EBAG9: variants seen among roughly 807,000 people sequenced by gnomAD.
EBAG9 encodes the protein receptor-binding cancer antigen expressed on SiSo cells.
In EBAG9, 16 loss-of-function variants were observed where a neutral mutation model predicts 30.9. The ratio of observed to expected loss-of-function variants is 0.52; its 90% confidence interval spans 0.35 to 0.79. The LOEUF is 0.79. Ranked by LOEUF, EBAG9 falls within the 30% of genes least tolerant of loss-of-function variation. The pLI is 0.01. For missense variants in EBAG9, 197 were observed against 242.1 expected, an observed-to-expected ratio of 0.81 and a Z score of 1.24; for synonymous variants, 93 against 82.8, an observed-to-expected ratio of 1.12 and a Z score of -0.67.
intron 5 of EBAG9, among the ~76,000 whole-genome samples, chr8:109,560,322 T>C (rs548740292): frequency 6.6e-6 from 1 of 152,318 alleles, no homozygotes; most frequent in South Asian, 2.1e-4. Flanking sequence ...TTGCCTAGGA[T>C]TGAGACAGTA....
chr8:109,560,489 C>T (rs528421638), intron 5 of EBAG9, among the ~76,000 whole-genome samples: 18 of 152,324 alleles, frequency 1.2e-4, no homozygotes, highest in African/African-American at 3.1e-4. Context: ...GTCACTCTAT[C>T]CCCAGCTCCC....
chr8:109,563,949 G>T (rs1821763242), intron 6 of EBAG9, among the ~76,000 whole-genome samples: 1 of 151,918 alleles, frequency 6.6e-6, no homozygotes, highest in African/African-American at 2.4e-5. Flanking sequence ...TTTCTTTTTG[G>T]AGCGTGTGTT....
chr8:109,546,318 ATAAT>A lies in EBAG9; in HGVS notation c.-15-4488_-15-4485del, dbSNP rs562855182. Among the ~76,000 whole-genome samples, 602 of 152,356 alleles carry A rather than the reference ATAAT, an allele frequency of 4.0e-3. 3 individuals are homozygous for A. The highest frequency in any genetic ancestry group is 0.013 in the South Asian group (64 of 4,828). Reference sequence around the variant, plus strand: ...CTAATTGAAATGCAATAAACTGTATATAATTAAAGTATACAATTTGATTAGTTTT... The same window carrying A: ...CTAATTGAAATGCAATAAACTGTATATAAAGTATACAATTTGATTAGTTTT... On this transcript the variant is annotated intron_variant, in intron 1 of 6. Coordinates refer to ENST00000337573, the MANE Select transcript of EBAG9 (RefSeq NM_004215.5).
chr8:109,560,715 A>G, intron 5 of EBAG9, 123 bp from the exon 6 acceptor site: 1 of 678,772 alleles, frequency 1.5e-6, no homozygotes, highest in South Asian at 1.9e-5. Context: ...CAGGGTAAGG[A>G]AGCTGAGAAG....
At chr8:109,555,247 C>T (rs147910773) in intron 4 of EBAG9, among the ~76,000 whole-genome samples, 2,313 of 151,570 alleles carry the variant, frequency 0.015, 30 homozygotes, top group Middle Eastern at 0.054. Flanking sequence ...GGTTTTTTGT[C>T]CTTGCGATAG....
chr8:109,541,019 T>C (rs948684022), intron 1 of EBAG9, among the ~76,000 whole-genome samples: 1 of 152,156 alleles, frequency 6.6e-6, no homozygotes, highest in African/African-American at 2.4e-5. Flanking sequence ...GATCTATCAG[T>C]TTCTAATGTA....
chr8:109,554,698 G>T, intron 3 of EBAG9, 31 bp from the exon 4 acceptor site: 1 of 1,596,866 alleles, frequency 6.3e-7, no homozygotes, highest in Non-Finnish European at 8.5e-7. Flanking sequence ...TTGCCCCTTT[G>T]TGGCTGATAA....
At chr8:109,551,767 A>G (rs1821499107) in intron 2 of EBAG9, among the ~76,000 whole-genome samples, 1 of 152,214 alleles carries the variant, frequency 6.6e-6, no homozygotes, top group South Asian at 2.1e-4. Context: ...ACTGAAAACA[A>G]GAATGATGGT....
intron 1 of EBAG9, among the ~76,000 whole-genome samples, chr8:109,544,856 A>G (rs984219545): frequency 1.3e-5 from 2 of 152,150 alleles, no homozygotes; most frequent in African/African-American, 4.8e-5. Context: ...ATAGTTACTT[A>G]AGTTTTCAAC....
chr8:109,561,446 A>G (rs1403987826), intron 6 of EBAG9, among the ~76,000 whole-genome samples: 4 of 151,968 alleles, frequency 2.6e-5, no homozygotes, highest in Non-Finnish European at 5.9e-5. Flanking sequence ...CTGCAAAAAA[A>G]TACTATTCTG....
chr8:109,553,715 C>T, intron 2 of EBAG9, 150 bp from the exon 3 acceptor site: 17 of 574,600 alleles, frequency 3.0e-5, no homozygotes, highest in Middle Eastern at 4.0e-4. Context: ...TTTTTTTTAC[C>T]ATAAATTAGT....
At chr8:109,552,248 G>A (rs916452030) in intron 2 of EBAG9, among the ~76,000 whole-genome samples, 11 of 119,666 alleles carry the variant, frequency 9.2e-5, no homozygotes, top group African/African-American at 3.8e-4. Flanking sequence ...TAAAAGTAGA[G>A]TGGTCTGGGA....
chr8:109,540,672 C>T (rs1821255680), intron 1 of EBAG9: 1 of 151,024 alleles, frequency 6.6e-6, no homozygotes, highest in Non-Finnish European at 1.5e-5. Context: ...CACTCCGCTT[C>T]TGTTTCCCCT....
intron 1 of EBAG9, among the ~76,000 whole-genome samples, chr8:109,548,446 A>G (rs1029124837): frequency 1.3e-5 from 2 of 152,094 alleles, no homozygotes; most frequent in South Asian, 2.1e-4. Context: ...TTCTTTTTCA[A>G]TGTTGTTTTG....
Position 109,560,159 on chromosome 8 carries a change from T to C in EBAG9, c.430-679T>C, listed in dbSNP as rs565313679. Among the ~76,000 whole-genome samples, 4 of 152,296 alleles carry C rather than the reference T, an allele frequency of 2.6e-5. No homozygotes were observed. The East Asian group carries it at 5.8e-4, about 22-fold the overall frequency. On this transcript the variant is annotated intron_variant, in intron 5 of 6. Transcript: ENST00000337573. ...AAACAGTCCAGCATGACCATTTTCA[T>C]TGGTTATTGAAAGAAAACAGTGAAC... is the stretch of plus-strand genomic sequence containing the variant.
intron 1 of EBAG9, among the ~76,000 whole-genome samples, chr8:109,543,937 C>T (rs115817681): frequency 0.027 from 4,051 of 149,628 alleles, 184 homozygotes; most frequent in African/African-American, 0.095. Context: ...GGCTGAGGCA[C>T]GAGAATAACT....
chr8:109,550,605 T>C, intron 1 of EBAG9: 1 of 438,832 alleles, frequency 2.3e-6, no homozygotes, highest in Non-Finnish European at 4.0e-6. Flanking sequence ...GGTTTTATCC[T>C]TACAACCATT....
chr8:109,541,657 T>C (rs1222707047), intron 1 of EBAG9, among the ~76,000 whole-genome samples: 1 of 152,162 alleles, frequency 6.6e-6, no homozygotes, highest in African/African-American at 2.4e-5. Context: ...CCTGCCTCCT[T>C]AGTTTCTTGC....
At chr8:109,551,776 G>A (rs1200253390) in intron 2 of EBAG9, among the ~76,000 whole-genome samples, 1 of 152,098 alleles carries the variant, frequency 6.6e-6, no homozygotes, top group African/African-American at 2.4e-5. Flanking sequence ...AAGAATGATG[G>A]TCTCCAGTCT....
Sources: gnomAD v4.1 joint callset for allele counts (sites outside exome capture counted in the v4.1 genomes callset) on GRCh38, gnomAD v4.1.1 for gene constraint, MANE v1.5 for transcripts, NCBI Gene and HGNC (gene_info 2026-07-23, HGNC 2026-07-21) for gene names.